The following MTERF4 variants were observed in gnomAD, a reference collection of about 807,000 sequenced individuals.
MTERF4 encodes the protein mitochondrial transcription termination factor 4.
In MTERF4, 17 loss-of-function variants were observed where a neutral mutation model predicts 22.5. The observed-to-expected ratio is 0.75, with a 90% CI of 0.52 to 1.13. MTERF4 has a LOEUF of 1.13. Among genes scored for constraint, MTERF4 ranks in the 50% most tolerant of loss-of-function variants. MTERF4 has a pLI of 0.00. For synonymous variants in MTERF4, 165 were observed against 175.3 expected (o/e 0.94, Z 0.47); for missense variants, 420 against 466.8 (o/e 0.90, Z 0.92).
In MTERF4 at chr2:241,075,697, T is replaced by C. The variant is rs1459568464; in HGVS notation, n.480-15A>G. The C allele has an allele frequency of 6.6e-6, 1 of 152,118 alleles. No homozygotes were observed. The highest frequency in any genetic ancestry group is 1.5e-5 in the Non-Finnish European group (1 of 68,018). The allele number at this position is 152,118 out of a possible 1,614,324, so 9.4% of individuals were successfully genotyped here. A position where few individuals can be genotyped will look rare whatever the true frequency, so the allele number is the denominator to read the frequency against. ...GGTGGTACTTCCTAATAGAGAAAAG[T>C]TCATAATCAAATTTATCAAGCATTA... is the stretch of plus-strand genomic sequence containing the variant. On this transcript the variant is annotated splice_polypyrimidine_tract_variant and intron_variant and non_coding_transcript_variant, in intron 4 of 4. Coordinates refer to the MTERF4 transcript ENST00000464344. The surrounding 1 kb of genome is among the most constrained non-coding windows in gnomAD (Gnocchi z 4.8).
downstream of MTERF4, among the ~76,000 whole-genome samples, chr2:241,083,211 C>G (rs1347549116): frequency 6.6e-6 from 1 of 152,140 alleles, no homozygotes; most frequent in Non-Finnish European, 1.5e-5. Flanking sequence ...GAGGGCGATG[C>G]TGAACAGACA....
At chr2:241,099,138 C>T in intron 2 of MTERF4, 2 of 379,576 alleles carry the variant, frequency 5.3e-6, no homozygotes, top group South Asian at 8.5e-5. Context: ...GCAGTGGCGC[C>T]ATCTCAGCTC....
intron 2 of MTERF4, 191 bp downstream of exon 2, chr2:241,099,204 AG>A: frequency 1.7e-6 from 1 of 592,908 alleles, no homozygotes; most frequent in South Asian, 2.4e-5. Context: ...CCTCCCAAGT[AG>A]CTGGAATTAC....
At chr2:241,081,375 G>A (rs941957903) in intron 4 of MTERF4, among the ~76,000 whole-genome samples, 1 of 152,134 alleles carries the variant, frequency 6.6e-6, no homozygotes, top group Non-Finnish European at 1.5e-5. Context: ...TGAAGGCCCC[G>A]CTCCTCCCTC....
the MTERF4 span, chr2:241,048,544 G>A: frequency 6.7e-7 from 1 of 1,492,506 alleles, no homozygotes; most frequent in Non-Finnish European, 9.1e-7. Flanking sequence ...AGAAACGTGT[G>A]AGTGCGCGTC....
chr2:241,064,937 C>T, the MTERF4 span: 7 of 1,583,698 alleles, frequency 4.4e-6, no homozygotes, highest in African/African-American at 4.1e-5. This position sits in a 1 kb window ranked among gnomAD's most constrained non-coding sequence, Gnocchi z 7.0. Context: ...GTGGGCTACA[C>T]GGGCGAGGAC....
the MTERF4 span, chr2:241,052,534 G>A: frequency 8.0e-7 from 1 of 1,242,306 alleles, no homozygotes; most frequent in Non-Finnish European, 1.2e-6. Context: ...GAGATGGCCA[G>A]GGCCCAAGCA....
chr2:241,072,219 T>C (rs16843224), exon 5 of MTERF4: 8,243 of 531,532 alleles, frequency 0.016, 430 homozygotes, highest in African/African-American at 0.13. Context: ...AGCTTTGTTT[T>C]AGTAAACCAT....
At chr2:241,094,164 CTTTTCCCCA>C, downstream of MTERF4, 1 of 376,270 alleles carries the variant, frequency 2.7e-6, no homozygotes, top group Non-Finnish European at 5.5e-6. The surrounding 1 kb of genome is among the most constrained non-coding windows in gnomAD (Gnocchi z 4.3). Flanking sequence ...CAAACTCTCC[CTTTTCCCCA>C]TTGCGTGTGG....
downstream of MTERF4, chr2:241,089,422 A>G: frequency 2.6e-6 from 4 of 1,549,900 alleles, no homozygotes; most frequent in South Asian, 1.2e-5. Flanking sequence ...ACAGAAGCAA[A>G]ACAGCTTTTC....
downstream of MTERF4, chr2:241,069,115 T>C (rs1181391353): frequency 2.6e-5 from 22 of 833,518 alleles, no homozygotes; most frequent in Non-Finnish European, 3.8e-5. This position sits in a 1 kb window ranked among gnomAD's most constrained non-coding sequence, Gnocchi z 4.9. Flanking sequence ...CTCCAAAGCG[T>C]CCACAACACC....
the MTERF4 span, among the ~76,000 whole-genome samples, chr2:241,057,695 A>C: frequency 6.6e-5 from 10 of 152,126 alleles, no homozygotes; most frequent in Non-Finnish European, 1.0e-4. Context: ...AAAATTAAAA[A>C]TTAAGAAATA....
chr2:241,062,806 G>T, the MTERF4 span: 5 of 1,609,894 alleles, frequency 3.1e-6, no homozygotes, highest in Admixed American at 5.0e-5. Context: ...GATGAGTGCC[G>T]GTCTCAGCCG....
chr2:241,076,706 A>G (rs185399981), intron 4 of MTERF4, among the ~76,000 whole-genome samples: 7 of 152,114 alleles, frequency 4.6e-5, no homozygotes, highest in Admixed American at 3.9e-4. Flanking sequence ...TGGTGTGGTA[A>G]TGGGTTAAGG....
the MTERF4 span, among the ~76,000 whole-genome samples, chr2:241,055,716 C>T: frequency 6.6e-6 from 1 of 152,196 alleles, no homozygotes; most frequent in African/African-American, 2.4e-5. Flanking sequence ...AAGTTCTCAG[C>T]ACCTACCAGG....
the MTERF4 span, chr2:241,051,674 G>A: frequency 8.1e-7 from 1 of 1,237,212 alleles, no homozygotes; most frequent in Non-Finnish European, 1.1e-6. This position sits in a 1 kb window ranked among gnomAD's most constrained non-coding sequence, Gnocchi z 4.7. Context: ...GGAGATGCCA[G>A]GAGGGTATAG....
the MTERF4 span, among the ~76,000 whole-genome samples, chr2:241,067,129 C>A: frequency 6.6e-6 from 1 of 152,272 alleles, no homozygotes; most frequent in East Asian, 1.9e-4. Flanking sequence ...CCGCCCTGCC[C>A]GCTGCAGAGT....
intron 1 of MTERF4, among the ~76,000 whole-genome samples, chr2:241,101,440 G>A (rs1363814259): frequency 6.6e-6 from 1 of 152,258 alleles, no homozygotes; most frequent in African/African-American, 2.4e-5. Flanking sequence ...ACCTCCTGCT[G>A]TGCAGCCTGG....
downstream of MTERF4, chr2:241,090,369 CCTT>C: frequency 5.8e-6 from 9 of 1,550,192 alleles, no homozygotes; most frequent in Non-Finnish European, 7.8e-6. Context: ...GACAATGATG[CCTT>C]CTTCTGGAAA....
Sources: allele counts gnomAD v4.1 joint callset (sites outside exome capture counted in the v4.1 genomes callset), GRCh38; gene constraint gnomAD v4.1.1; non-coding constraint Gnocchi (gnomAD v3.1); transcripts MANE v1.5; gene names NCBI Gene and HGNC (gene_info 2026-07-23, HGNC 2026-07-21).